CDH9: variants seen among roughly 807,000 people sequenced by gnomAD.
CDH9 encodes cadherin-9.
In CDH9, 28 loss-of-function variants were observed where a neutral mutation model predicts 70.9. The ratio of observed to expected loss-of-function variants is 0.40; its 90% CI spans 0.29 to 0.54. The LOEUF is 0.54. CDH9 is among the 20% of genes least tolerant of loss of function. The probability of loss-of-function intolerance (pLI) is 0.59; values close to 1 mark genes in which losing one functional copy is unlikely to be tolerated. For synonymous variants in CDH9, 409 were observed against 343.1 expected, an observed-to-expected ratio of 1.19 and a Z score of -2.12; for missense variants, 874 against 984.4, an observed-to-expected ratio of 0.89 and a Z score of 1.50.
chr5:26,985,107 C>T (rs1340600195), intron 2 of CDH9, among the ~76,000 whole-genome samples: 4 of 152,052 alleles, frequency 2.6e-5, no homozygotes, highest in Non-Finnish European at 5.9e-5. Context: ...ATGCTGTATG[C>T]AAAAACAACC....
At chr5:26,948,700 C>T (rs1297037514) in intron 2 of CDH9, among the ~76,000 whole-genome samples, 2 of 152,160 alleles carry the variant, frequency 1.3e-5, no homozygotes, top group African/African-American at 2.4e-5. Flanking sequence ...AGGAAACATA[C>T]ATTTGATGAA....
chr5:26,987,623 G>A (rs948711457), intron 2 of CDH9, among the ~76,000 whole-genome samples: 2 of 152,042 alleles, frequency 1.3e-5, no homozygotes, highest in African/African-American at 4.8e-5. Context: ...CTTAAAGATA[G>A]TGTCTTCTTT....
chr5:26,893,700 TATTTTTA>T (rs1441667206), intron 7 of CDH9, among the ~76,000 whole-genome samples: 2 of 139,430 alleles, frequency 1.4e-5, no homozygotes, highest in Admixed American at 1.6e-4. Flanking sequence ...TATTTTATTT[TATTTTTA>T]TTTTTGGAAG....
intron 1 of CDH9, among the ~76,000 whole-genome samples, chr5:27,016,345 A>G (rs536228091): frequency 3.9e-5 from 6 of 152,008 alleles, no homozygotes; most frequent in African/African-American, 1.4e-4. Context: ...ATGAAAAAGT[A>G]CATTGCTCAT....
intron 1 of CDH9, among the ~76,000 whole-genome samples, chr5:27,010,263 C>G (rs1742934630): frequency 6.6e-6 from 1 of 152,070 alleles, no homozygotes; most frequent in Non-Finnish European, 1.5e-5. Flanking sequence ...AACCCCCATT[C>G]TACTTTGTGC....
chr5:26,966,527 T>C (rs1049858859), intron 2 of CDH9, among the ~76,000 whole-genome samples: 5 of 152,326 alleles, frequency 3.3e-5, no homozygotes, highest in South Asian at 2.1e-4. Context: ...TCATTTTTTT[T>C]CCTTTTTACT....
Position 26,969,919 on chromosome 5 carries a change from A to AAT in CDH9, c.228+18185_228+18186dup, listed in dbSNP as rs763770069. 6.2e-3 allele frequency among the ~76,000 whole-genome samples: 890 copies of AAT among 144,662 alleles called. 9 individuals carry two copies. The highest frequency in any genetic ancestry group is 0.02 in the African/African-American group (771 of 38,894). 94.9% of individuals were successfully genotyped at this position (144,662 alleles called of 152,430 possible). A position where few individuals can be genotyped will look rare whatever the true frequency, so the allele number is the denominator to read the frequency against. Reference sequence around the variant, plus strand: ...GTATGTCTGTGAGTGCATATGTACAAATATATATATATATATAATATATAT... The same window carrying AAT: ...GTATGTCTGTGAGTGCATATGTACAAATATATATATATATATATAATATATAT... On this transcript the variant is annotated intron_variant, in intron 2 of 11. Transcript: ENST00000231021.
chr5:26,940,667 T>G (rs1326833376), intron 2 of CDH9, among the ~76,000 whole-genome samples: 1 of 152,188 alleles, frequency 6.6e-6, no homozygotes, highest in Non-Finnish European at 1.5e-5. Context: ...ATTTCTTCTT[T>G]TCAGACACTA....
chr5:27,007,465 A>G (rs1448670113), intron 1 of CDH9, among the ~76,000 whole-genome samples: 5 of 152,232 alleles, frequency 3.3e-5, no homozygotes, highest in East Asian at 1.9e-4. Flanking sequence ...AAAAGTAGAG[A>G]TACCCATGAT....
At chr5:26,898,147 C>G (rs1037616486) in intron 7 of CDH9, among the ~76,000 whole-genome samples, 7 of 151,994 alleles carry the variant, frequency 4.6e-5, no homozygotes, top group African/African-American at 7.2e-5. Flanking sequence ...AGGAGAACTA[C>G]AAATCACTGC....
In CDH9 at chr5:26,960,410, G is replaced by A. The variant is rs187568315; in HGVS notation, c.228+27696C>T. On this transcript the variant is annotated intron_variant, in intron 2 of 11. Coordinates refer to ENST00000231021, the MANE Select transcript of CDH9 (RefSeq NM_016279.4). The stretch of plus-strand genomic sequence containing the variant: ...ACTTTCCAATCACTAGTATGCTTAC[G>A]ATACTAAAGGTTTTCTGTTGAGGAT... 5.9e-5 allele frequency among the ~76,000 whole-genome samples: 9 copies of A among 152,026 alleles called. No individual in the cohort carries two copies. The East Asian group carries it at 1.7e-3, about 29-fold the overall frequency.
chr5:27,002,888 T>C (rs1199142568), intron 1 of CDH9, among the ~76,000 whole-genome samples: 1 of 151,708 alleles, frequency 6.6e-6, no homozygotes, highest in Non-Finnish European at 1.5e-5. Context: ...CTGCACGTAG[T>C]GCACATGTAC....
chr5:26,890,035 C>T, intron 8 of CDH9, 78 bp from the exon 9 acceptor site: 1 of 1,324,842 alleles, frequency 7.5e-7, no homozygotes, highest in Non-Finnish European at 1.1e-6. Flanking sequence ...TGTAGCTTAG[C>T]AACAGATCCT....
chr5:27,031,828 T>C (rs1265372099), intron 1 of CDH9, among the ~76,000 whole-genome samples: 2 of 152,048 alleles, frequency 1.3e-5, no homozygotes, highest in African/African-American at 2.4e-5. Flanking sequence ...TTGGTCTCTG[T>C]AGGTTTCAAC....
chr5:26,952,091 G>C (rs1407148140), intron 2 of CDH9, among the ~76,000 whole-genome samples: 1 of 150,398 alleles, frequency 6.6e-6, no homozygotes, highest in Non-Finnish European at 1.5e-5. Flanking sequence ...AGCCTCCCTA[G>C]TGGCTGAGAT....
chr5:26,885,824 G>T lies in CDH9; in HGVS notation c.1672C>A (p.Arg558Ser). The T allele has an allele frequency of 6.2e-7, 1 of 1,613,688 alleles. No individual in the cohort carries two copies. Among genetic ancestry groups the T allele is most frequent in the South Asian group, 1.1e-5 (1 of 91,066 alleles). Reference sequence around the variant, plus strand: ...AATAAGTAGGTGCTCATTTTGTTGCGACTGTAGCCATCTTTCCGAGTCATG... The same window carrying T: ...AATAAGTAGGTGCTCATTTTGTTGCTACTGTAGCCATCTTTCCGAGTCATG... ...GIMTRKDGYSRNKMSTYLLPI... is the reference protein window; with the variant it reads ...GIMTRKDGYSSNKMSTYLLPI... Residue 558 changes from arginine (R) to serine (S), a missense_variant, in exon 11 of 12, where the codon CGC (arginine) becomes AGC (serine). By Grantham distance (110) the Arg-to-Ser change is moderately radical. Coordinates refer to ENST00000231021, the MANE Select transcript of CDH9 (RefSeq NM_016279.4).
At chr5:27,026,337 C>T (rs1404153991) in intron 1 of CDH9, among the ~76,000 whole-genome samples, 7 of 151,736 alleles carry the variant, frequency 4.6e-5, no homozygotes, top group East Asian at 3.9e-4. Context: ...GAGTAAATTT[C>T]GTTAACATAC....
At chr5:26,898,097 C>T (rs1740784311) in intron 7 of CDH9, among the ~76,000 whole-genome samples, 1 of 151,982 alleles carries the variant, frequency 6.6e-6, no homozygotes, top group South Asian at 2.1e-4. Context: ...AATAAAATAC[C>T]TAGGAATAAA....
chr5:26,889,311 TTCA>T (rs1201961754), intron 9 of CDH9, among the ~76,000 whole-genome samples: 1 of 152,120 alleles, frequency 6.6e-6, no homozygotes, highest in African/African-American at 2.4e-5. Context: ...GTAAGAAGAC[TTCA>T]TAATTCTTTT....
Sources: gnomAD v4.1 joint callset for allele counts (sites outside exome capture counted in the v4.1 genomes callset) on GRCh38, gnomAD v4.1.1 for gene constraint, MANE v1.5 for transcripts, NCBI Gene and HGNC (gene_info 2026-07-23, HGNC 2026-07-21) for gene names.